The following NEDD9 variants were observed in gnomAD, a reference collection of about 807,000 sequenced individuals.
The protein encoded by NEDD9 is neural precursor cell expressed, developmentally down-regulated 9.
NEDD9 carries 26 observed loss-of-function variants against 76.6 expected under a neutral mutation model. The observed-to-expected ratio is 0.34, with a 90% CI of 0.25 to 0.47. The LOEUF (loss-of-function observed/expected upper bound fraction) is 0.47. Among genes scored for constraint, NEDD9 ranks in the 20% least tolerant of loss-of-function variants. The probability of loss-of-function intolerance (pLI) is 1.00; values close to 1 mark genes in which losing one functional copy is unlikely to be tolerated. For missense variants in NEDD9, 937 were observed against 1,058.5 expected (o/e 0.89, Z 1.59); for synonymous variants, 392 against 414.2 (o/e 0.95, Z 0.65).
At chr6:11,305,874 A>T in intron 3 of NEDD9, 1 of 1,227,092 alleles carries the variant, frequency 8.1e-7, no homozygotes, top group Non-Finnish European at 1.2e-6. Flanking sequence ...CCCAAATGTT[A>T]GTTGCAGGCC....
At chr6:11,325,989 T>C (rs1761918203) in intron 2 of NEDD9, among the ~76,000 whole-genome samples, 1 of 151,966 alleles carries the variant, frequency 6.6e-6, no homozygotes, top group African/African-American at 2.4e-5. Flanking sequence ...CTACTAAAAA[T>C]ACAGAAATTA....
At chr6:11,294,830 C>T (rs1760854559) in intron 3 of NEDD9, among the ~76,000 whole-genome samples, 4 of 152,222 alleles carry the variant, frequency 2.6e-5, no homozygotes, top group African/African-American at 9.6e-5. Context: ...GTGTCCCCAC[C>T]CAAACCTCAT....
At position 11,368,210 on chromosome 6, in the gene NEDD9, C is replaced by A. The variant is rs577304341; in HGVS notation, c.-214+13929G>T. ...CCAGGGCTGGGGGGTACCCAGAAACCCAAACAGATGGAGAAAAGTTTCAAA... is the reference window on the plus strand; with the variant it reads ...CCAGGGCTGGGGGGTACCCAGAAACACAAACAGATGGAGAAAAGTTTCAAA... On this transcript the variant is annotated intron_variant, in intron 1 of 3. Transcript: ENST00000397378. Among the ~76,000 whole-genome samples the A allele has an allele frequency of 2.6e-5, 4 of 152,072 alleles. No homozygotes were observed. The South Asian group carries it at 8.3e-4, about 32-fold the overall frequency.
intron 5 of NEDD9, among the ~76,000 whole-genome samples, chr6:11,189,743 C>G (rs961960668): frequency 6.6e-6 from 1 of 152,184 alleles, no homozygotes; most frequent in Non-Finnish European, 1.5e-5. Context: ...GTTGGTCACA[C>G]AGTAAACGTC....
At chr6:11,368,215 C>T (rs934316183) in intron 1 of NEDD9, among the ~76,000 whole-genome samples, 1 of 152,176 alleles carries the variant, frequency 6.6e-6, no homozygotes, top group East Asian at 1.9e-4. Context: ...GAAACCCAAA[C>T]AGATGGAGAA....
At chr6:11,200,830 G>C (rs1335774407) in intron 2 of NEDD9, 11 of 1,511,010 alleles carry the variant, frequency 7.3e-6, no homozygotes, top group African/African-American at 1.4e-5. Context: ...CACCAGAGCA[G>C]CTCAAGACAC....
rs1038856758 is a variant in NEDD9, at chr6:11,213,293, G to A, written c.447C>T (p.His149=). ...QRSIGGTSGP[H]VGKKVITPVR... ...GTCATTTACTCACCTTTTTACCCAC[G>A]TGGGGCCCACTGGTTCCCCCAATGC... The change falls in exon 2 of 7, where the codon CAC becomes CAT. Residue 149 remains histidine, a synonymous_variant. Transcript: ENST00000379446. The surrounding 1 kb of genome is among the most constrained non-coding windows in gnomAD (Gnocchi z 5.4). The A allele has an allele frequency of 1.9e-6, 3 of 1,603,876 alleles. No individual in the cohort carries two copies. The highest frequency in any genetic ancestry group is 2.6e-6 in the Non-Finnish European group (3 of 1,172,334).
At chr6:11,194,492 A>G (rs1038684785) in intron 2 of NEDD9, among the ~76,000 whole-genome samples, 7 of 152,216 alleles carry the variant, frequency 4.6e-5, no homozygotes, top group African/African-American at 9.7e-5. Context: ...GATGATTATA[A>G]CTGTAATTCC....
At position 11,190,508 on chromosome 6, in the gene NEDD9, T is replaced by G; in HGVS notation, c.1361A>C (p.Lys454Thr). The part of the protein sequence containing the change: ...HINEIRTAVD[K>T]VELFLKEYLH... ...GTACTCCTTCAGGAACAGCTCCACC[T>G]TGTCCACTGCTGTGCGTATTTCATT... Residue 454 changes from lysine (K) to threonine (T), a missense_variant, in exon 5 of 7, where the codon AAG becomes ACG. Transcript: ENST00000379446. This position sits in a 1 kb window ranked among gnomAD's most constrained non-coding sequence, Gnocchi z 5.8. 6.2e-7 allele frequency: 1 copy of G among 1,614,236 alleles called. No individual in the cohort carries two copies. The highest frequency in any genetic ancestry group is 8.5e-7 in the Non-Finnish European group (1 of 1,180,050).
At position 11,193,596 on chromosome 6, in the gene NEDD9, G is replaced by A; in HGVS notation, c.556C>T (p.Gln186Ter). 2 of 1,611,088 alleles carry A rather than the reference G, an allele frequency of 1.2e-6. No individual in the cohort carries two copies. Among genetic ancestry groups the A allele is most frequent in the Non-Finnish European group, 1.7e-6 (2 of 1,177,260 alleles). ...GACCATGTTCTGGTACGCACCCCTTGAGTGGTATGAGAAGGAGGGATATCA... is the reference window on the plus strand; with the variant it reads ...GACCATGTTCTGGTACGCACCCCTTAAGTGGTATGAGAAGGAGGGATATCA... ...VYDIPPSHTT[Q>*]GVYDIPPSSA... Residue 186 changes from glutamine to a stop codon, truncating the protein, a stop_gained, in exon 3 of 7, where the codon CAA (glutamine) becomes TAA (stop). Transcript: ENST00000379446. LOFTEE classifies it high-confidence loss of function.
intron 3 of NEDD9, among the ~76,000 whole-genome samples, chr6:11,278,391 CA>C (rs1760460412): frequency 6.6e-6 from 1 of 152,046 alleles, no homozygotes; most frequent in African/African-American, 2.4e-5. Context: ...GGCTGGTGTT[CA>C]AAAAGGTTAA....
At chr6:11,333,033 A>C (rs2113505977) in intron 2 of NEDD9, among the ~76,000 whole-genome samples, 1 of 139,798 alleles carries the variant, frequency 7.2e-6, no homozygotes, top group Non-Finnish European at 1.5e-5. Context: ...AGAAAAAGGA[A>C]GGAAGGAAAA....
At chr6:11,350,038 T>C (rs926054233) in intron 1 of NEDD9, among the ~76,000 whole-genome samples, 2 of 152,240 alleles carry the variant, frequency 1.3e-5, no homozygotes, top group East Asian at 1.9e-4. Context: ...GAGATGTTCA[T>C]AGTTCACAGT....
At chr6:11,201,516 G>A (rs1758455560) in intron 2 of NEDD9, among the ~76,000 whole-genome samples, 1 of 152,152 alleles carries the variant, frequency 6.6e-6, no homozygotes, top group Non-Finnish European at 1.5e-5. Flanking sequence ...AAAAAACGAA[G>A]CAGAAAAATC....
At chr6:11,193,778 A>G in intron 2 of NEDD9, 86 bp from the exon 3 acceptor site, 4 of 771,628 alleles carry the variant, frequency 5.2e-6, no homozygotes, top group Non-Finnish European at 6.4e-6. Context: ...TCATCCCTCA[A>G]CTCTCCCTCA....
At chr6:11,298,700 G>T (rs1030922862) in intron 3 of NEDD9, among the ~76,000 whole-genome samples, 2 of 152,330 alleles carry the variant, frequency 1.3e-5, no homozygotes, top group Middle Eastern at 3.4e-3. Context: ...AATGGATTGA[G>T]AATTCACAAA....
At chr6:11,248,710 A>G (rs933845165) in intron 3 of NEDD9, among the ~76,000 whole-genome samples, 2 of 152,206 alleles carry the variant, frequency 1.3e-5, no homozygotes, top group Admixed American at 6.5e-5. Flanking sequence ...AGAATGGTCA[A>G]GCACTGATTG....
At position 11,184,899 on chromosome 6, in the gene NEDD9, T is replaced by G. The variant is rs1757936088; in HGVS notation, c.*263A>C. 1 of 340,316 alleles carries G rather than the reference T, an allele frequency of 2.9e-6. No individual in the cohort carries two copies. The highest frequency in any genetic ancestry group is 7.1e-5 in the South Asian group (1 of 14,122). The allele number at this position is 340,316 out of a possible 1,614,324, so 21.1% of individuals were successfully genotyped here. On this transcript the variant is annotated 3_prime_UTR_variant, in exon 7 of 7. Coordinates refer to ENST00000379446, the MANE Select transcript of NEDD9 (RefSeq NM_006403.4). ...ACAAACAAACATGAATACATGGGCA[T>G]ACAAAAGCACGTGGACAAGTTTTCT...
chr6:11,348,927 A>G (rs141823930), intron 1 of NEDD9, among the ~76,000 whole-genome samples: 1,886 of 152,330 alleles, frequency 0.012, 36 homozygotes, highest in African/African-American at 0.043. Flanking sequence ...GACAAATGGG[A>G]TCTAATTAAA....
Sources: allele counts gnomAD v4.1 joint callset (sites outside exome capture counted in the v4.1 genomes callset), GRCh38; gene constraint gnomAD v4.1.1; non-coding constraint Gnocchi (gnomAD v3.1); transcripts MANE v1.5; gene names NCBI Gene and HGNC (gene_info 2026-07-23, HGNC 2026-07-21).